Variants in EVI5 observed in about 807,000 individuals in gnomAD.
EVI5 encodes the protein ecotropic viral integration site 5 protein homolog.
EVI5 carries 73 observed loss-of-function variants against 112.0 expected under a neutral mutation model. That is an observed-to-expected ratio of 0.65 (90% CI 0.54 to 0.79). EVI5 has a LOEUF of 0.79. EVI5 is among the 30% of genes least tolerant of loss of function. The pLI, the probability that EVI5 is intolerant of heterozygous loss-of-function variation, is 0.00. For missense variants in EVI5, 900 were observed against 968.8 expected (o/e 0.93, Z 0.94); for synonymous variants, 305 against 319.9 (o/e 0.95, Z 0.50).
At position 92,625,844 on chromosome 1, in the gene EVI5, C is replaced by T. The variant is rs374417183; in HGVS notation, c.1618G>A (p.Gly540Ser). ...VKLREAEAIM[G>S]LKELRQQVKD... ...ACTTGCTGTCTAAGTTCTTTCAAAC[C>T]CATAATGGCTTCTGCTTCTCTAAGT... is the stretch of plus-strand genomic sequence containing the variant. The change falls in exon 15 of 20, where the codon GGT becomes AGT. Residue 540 changes from glycine to serine, a missense_variant. Coordinates refer to ENST00000684568, the MANE Select transcript of EVI5 (RefSeq NM_001350197.2). 1.5e-5 allele frequency: 24 copies of T among 1,612,738 alleles called. No individual in the cohort carries two copies. The East Asian group carries it at 2.0e-4, about 14-fold the overall frequency.
chr1:92,649,294 G>GC (rs552009893), intron 13 of EVI5, among the ~76,000 whole-genome samples: 30 of 152,152 alleles, frequency 2.0e-4, no homozygotes, highest in Non-Finnish European at 4.3e-4. Context: ...TACAAAACTT[G>GC]CAACTATTTT....
At chr1:92,722,042 C>CTGTT (rs1440052761) in intron 2 of EVI5, among the ~76,000 whole-genome samples, 1 of 21,732 alleles carries the variant, frequency 4.6e-5, no homozygotes, top group Admixed American at 5.8e-4. Flanking sequence ...TCATGTCCCA[C>CTGTT]TATTTTAATT....
At position 92,704,702 on chromosome 1, in the gene EVI5, C is replaced by T. The variant is rs774433923; in HGVS notation, c.192G>A (p.Gly64=). 24 of 1,592,910 alleles carry T rather than the reference C, an allele frequency of 1.5e-5. No homozygotes were observed. Among genetic ancestry groups the T allele is most frequent in the Non-Finnish European group, 3.4e-6 (4 of 1,167,984 alleles). ...TDSKSLRSVN[G]SRRNSGSSLV... is the part of the protein sequence containing the mutation. ...GAGAAGAGCCACTGTTTCTTCTTGA[C>T]CCATTTACAGATCTTAAAGACTTAC... The change falls in exon 3 of 20, where the codon GGG becomes GGA. Residue 64 remains glycine, a synonymous_variant. Coordinates refer to ENST00000684568, the MANE Select transcript of EVI5 (RefSeq NM_001350197.2).
chr1:92,616,454 G>A lies in EVI5; in HGVS notation c.1827+7722C>T, dbSNP rs111941925. Among the ~76,000 whole-genome samples, 30 of 152,292 alleles carry A rather than the reference G, an allele frequency of 2.0e-4. 1 individual carries two copies. The highest frequency in any genetic ancestry group is 7.2e-4 in the African/African-American group (30 of 41,566). ...ATAGCTACTGTCATGAACAGCAGCG[G>A]CAAAGCGGCAATCAGAATAGTCTGA... is the stretch of plus-strand genomic sequence containing the variant. On this transcript the variant is annotated intron_variant, in intron 16 of 19. Transcript: ENST00000684568.
At chr1:92,675,181 G>A (rs953447714) in intron 10 of EVI5, among the ~76,000 whole-genome samples, 5 of 151,978 alleles carry the variant, frequency 3.3e-5, no homozygotes, top group African/African-American at 1.2e-4. Flanking sequence ...TGTCTCTACC[G>A]AAAATACAAA....
rs1660661616 is a variant in EVI5, at chr1:92,520,203, T to A, written c.2167-6233A>T. 4.6e-5 allele frequency among the ~76,000 whole-genome samples: 7 copies of A among 152,256 alleles called. 2 individuals are homozygous for A. Among genetic ancestry groups the A allele is most frequent in the South Asian group, 4.1e-4 (2 of 4,830 alleles). ...GTTATATCTTAATAAAGCTTTTTTT[T>A]AAAGTAGAGCCAGAAAAACAAGAAC... On this transcript the variant is annotated intron_variant, in intron 19 of 19. Transcript: ENST00000684568.
intron 13 of EVI5, among the ~76,000 whole-genome samples, chr1:92,649,930 T>A (rs1458494832): frequency 6.6e-6 from 1 of 152,246 alleles, no homozygotes; most frequent in Non-Finnish European, 1.5e-5. Context: ...CATCATTTGT[T>A]GAAGAGACTA....
intron 2 of EVI5, among the ~76,000 whole-genome samples, chr1:92,733,982 T>C (rs1020027534): frequency 4.6e-5 from 7 of 152,154 alleles, no homozygotes; most frequent in Admixed American, 4.6e-4. Flanking sequence ...TGAAAGAAAC[T>C]TCAGTTTTCT....
rs866707391 is a variant in EVI5 at position 92,561,893 on chromosome 1, C to T, written c.2166+1749G>A. Among the ~76,000 whole-genome samples, 79 of 152,254 alleles carry T rather than the reference C, an allele frequency of 5.2e-4. 1 individual carries two copies. Among genetic ancestry groups the T allele is most frequent in the African/African-American group, 1.9e-3 (78 of 41,540 alleles). On this transcript the variant is annotated intron_variant, in intron 19 of 19. Coordinates refer to ENST00000684568, the MANE Select transcript of EVI5 (RefSeq NM_001350197.2). Reference sequence around the variant, plus strand: ...CCTCAAGTGATCTGCCTGCTTCAGCCTCCCAAAGTGCTGGGATTATAGGCG... The same window carrying T: ...CCTCAAGTGATCTGCCTGCTTCAGCTTCCCAAAGTGCTGGGATTATAGGCG...
At chr1:92,528,104 C>T (rs1662237061) in intron 19 of EVI5, among the ~76,000 whole-genome samples, 1 of 152,184 alleles carries the variant, frequency 6.6e-6, no homozygotes, top group Admixed American at 6.5e-5. Context: ...ACTGTCAAAG[C>T]CAATTAATGG....
intron 1 of EVI5, among the ~76,000 whole-genome samples, chr1:92,784,078 C>A (rs1431419771): frequency 6.6e-6 from 1 of 152,120 alleles, no homozygotes; most frequent in African/African-American, 2.4e-5. Flanking sequence ...GCAGCTCTAC[C>A]AGCAATAGAT....
At chr1:92,538,675 G>T (rs1664283030) in intron 19 of EVI5, among the ~76,000 whole-genome samples, 1 of 152,188 alleles carries the variant, frequency 6.6e-6, no homozygotes. Context: ...GTGGCACACT[G>T]TTAAGTAAAC....
intron 14 of EVI5, among the ~76,000 whole-genome samples, chr1:92,629,486 C>T (rs371202737): frequency 5.9e-5 from 9 of 152,054 alleles, no homozygotes; most frequent in Non-Finnish European, 1.2e-4. Flanking sequence ...CTATAAGAAA[C>T]CTGAAGTTCT....
intron 1 of EVI5, among the ~76,000 whole-genome samples, chr1:92,783,808 C>CAAAAAAAAAAAAAAAAAGA (rs1685226076): frequency 1.1e-5 from 1 of 94,306 alleles, no homozygotes. Flanking sequence ...GACTCCCTGT[C>CAAAAAAAAAAAAAAAAAGA]AAAAAAAAAA....
At chr1:92,677,027 GT>G (rs1666856622) in intron 10 of EVI5, 130 bp downstream of exon 10, 1 of 622,124 alleles carries the variant, frequency 1.6e-6, no homozygotes, top group African/African-American at 2.0e-5. Context: ...TTTTTGAAAT[GT>G]CTATTTTTAA....
chr1:92,723,633 T>C (rs986347289), intron 2 of EVI5, among the ~76,000 whole-genome samples: 1 of 152,172 alleles, frequency 6.6e-6, no homozygotes, highest in African/African-American at 2.4e-5. Context: ...TACAAATTGA[T>C]TGTAAAATAT....
chr1:92,734,240 G>A (rs1407314672), intron 2 of EVI5, among the ~76,000 whole-genome samples: 5 of 152,182 alleles, frequency 3.3e-5, no homozygotes, highest in Non-Finnish European at 7.3e-5. Context: ...GCATATTTCT[G>A]ATAAAGACCC....
intron 1 of EVI5, among the ~76,000 whole-genome samples, chr1:92,755,288 G>A (rs572416437): frequency 3.3e-5 from 5 of 152,056 alleles, no homozygotes; most frequent in East Asian, 3.9e-4. Flanking sequence ...GCACACACCT[G>A]TAGTCCCAGC....
intron 1 of EVI5, among the ~76,000 whole-genome samples, chr1:92,760,806 C>G (rs1244645919): frequency 6.6e-6 from 1 of 151,464 alleles, no homozygotes; most frequent in African/African-American, 2.4e-5. Flanking sequence ...CCTGTAATCC[C>G]AGCACTTTGG....
Sources: gnomAD v4.1 joint callset for allele counts (sites outside exome capture counted in the v4.1 genomes callset) on GRCh38, gnomAD v4.1.1 for gene constraint, MANE v1.5 for transcripts, NCBI Gene and HGNC (gene_info 2026-07-23, HGNC 2026-07-21) for gene names.